Variants in VAT1L observed in about 807,000 individuals in gnomAD.
VAT1L encodes vesicle amine transport 1 like.
In VAT1L, 34 loss-of-function variants were observed where a neutral mutation model predicts 44.1. The observed-to-expected ratio is 0.77, with a 90% CI of 0.59 to 1.03. The LOEUF is 1.03. VAT1L is among the 50% of genes least tolerant of loss of function. VAT1L has a pLI of 0.00. For missense variants in VAT1L, 615 were observed against 538.8 expected (o/e 1.14, Z -1.40); for synonymous variants, 253 against 202.2 (o/e 1.25, Z -2.13).
At chr16:77,870,774 A>C (rs990849146) in intron 4 of VAT1L, among the ~76,000 whole-genome samples, 1 of 152,232 alleles carries the variant, frequency 6.6e-6, no homozygotes, top group South Asian at 2.1e-4. Context: ...ATAATCATAC[A>C]TATGCAGGCA....
rs2017586396 is a variant in VAT1L, at chr16:77,919,311, T to G, written c.1077+34509T>G. The stretch of plus-strand genomic sequence containing the variant: ...GACAGGTGTTGTGCCTAGACCAGGA[T>G]GCTGTTTTGATTGGAAAGGATGCTG... On this transcript the variant is annotated intron_variant, in intron 7 of 8. Transcript: ENST00000302536. Among the ~76,000 whole-genome samples, 2 of 152,314 alleles carry G rather than the reference T, an allele frequency of 1.3e-5. 1 individual carries two copies. The highest frequency in any genetic ancestry group is 4.1e-4 in the South Asian group (2 of 4,826).
chr16:77,956,701 A>G (rs2142529988), intron 7 of VAT1L, among the ~76,000 whole-genome samples: 1 of 152,316 alleles, frequency 6.6e-6, no homozygotes, highest in African/African-American at 2.4e-5. Flanking sequence ...GGGAGGATCC[A>G]ATATATACCC....
chr16:77,879,945 T>C lies in VAT1L; in HGVS notation c.882+721T>C, dbSNP rs1186380175. ...TCTCCCCATCCTCTTGAATCGGAGATAGAAATGAGGACCCTATGACCTTAA... is the reference window on the plus strand; with the variant it reads ...TCTCCCCATCCTCTTGAATCGGAGACAGAAATGAGGACCCTATGACCTTAA... On this transcript the variant is annotated intron_variant, in intron 6 of 8. Coordinates refer to ENST00000302536, the MANE Select transcript of VAT1L (RefSeq NM_020927.3). This position sits in a 1 kb window ranked among gnomAD's most constrained non-coding sequence, Gnocchi z 4.1. 1.3e-5 allele frequency among the ~76,000 whole-genome samples: 2 copies of C among 152,146 alleles called. No homozygotes were observed.
intron 7 of VAT1L, among the ~76,000 whole-genome samples, chr16:77,962,603 C>T (rs1244034551): frequency 2.0e-5 from 3 of 151,950 alleles, no homozygotes; most frequent in East Asian, 3.9e-4. Context: ...AAGAAATAGG[C>T]CGGGAGCAGT....
At chr16:77,882,748 A>G (rs1249233873) in intron 6 of VAT1L, among the ~76,000 whole-genome samples, 3 of 152,200 alleles carry the variant, frequency 2.0e-5, no homozygotes, top group Non-Finnish European at 2.9e-5. Flanking sequence ...TCAAGTTATT[A>G]TTTTTCTATA....
chr16:77,876,471 A>G lies in VAT1L; in HGVS notation c.824A>G (p.Tyr275Cys). The change falls in exon 5 of 9, where the codon TAT becomes TGT. Residue 275 changes from tyrosine (Y) to cysteine (C), a missense_variant and splice_region_variant. Coordinates refer to ENST00000302536, the MANE Select transcript of VAT1L (RefSeq NM_020927.3). ...LLKPLGTYIL[Y>C]GSSNMVTGET... ...AAACCCCTGGGAACCTACATTTTAT[A>G]TGGTGAGTGCAAAACAGCAGCAGGG... The G allele has an allele frequency of 1.2e-6, 2 of 1,614,028 alleles. No homozygotes were observed. The highest frequency in any genetic ancestry group is 1.7e-6 in the Non-Finnish European group (2 of 1,179,874).
chr16:77,799,237 C>G (rs1377110712), intron 1 of VAT1L, among the ~76,000 whole-genome samples: 1 of 150,560 alleles, frequency 6.6e-6, no homozygotes, highest in African/African-American at 2.5e-5. Flanking sequence ...GTCTCTCCCT[C>G]TCTCTCTCCC....
chr16:77,805,754 A>T (rs138906662), intron 1 of VAT1L, among the ~76,000 whole-genome samples: 2 of 152,196 alleles, frequency 1.3e-5, no homozygotes, highest in Non-Finnish European at 2.9e-5. Flanking sequence ...CCACAGACAC[A>T]TAGAAAGCCC....
rs1181186160 is a variant in VAT1L, at chr16:77,934,500, G to T, written c.1078-37350G>T. Reference sequence around the variant, plus strand: ...GGATTCTTCCCTAGAGCCTCCAGAAGGAACATGGCCCAGCTGACACCTTGA... The same window carrying T: ...GGATTCTTCCCTAGAGCCTCCAGAATGAACATGGCCCAGCTGACACCTTGA... On this transcript the variant is annotated intron_variant, in intron 7 of 8. Transcript: ENST00000302536. Among the ~76,000 whole-genome samples the T allele has an allele frequency of 1.3e-5, 2 of 152,110 alleles. 1 individual carries two copies. The highest frequency in any genetic ancestry group is 1.3e-4 in the Admixed American group (2 of 15,262).
At chr16:77,803,672 G>A (rs1264618069) in intron 1 of VAT1L, among the ~76,000 whole-genome samples, 1 of 152,026 alleles carries the variant, frequency 6.6e-6, no homozygotes, top group East Asian at 1.9e-4. Flanking sequence ...GCCTGCCCGG[G>A]CCTCCCAAAG....
intron 7 of VAT1L, among the ~76,000 whole-genome samples, chr16:77,970,223 A>G (rs1373672373): frequency 6.6e-6 from 1 of 152,146 alleles, no homozygotes; most frequent in Non-Finnish European, 1.5e-5. Context: ...GCAACAGAGC[A>G]AGACCCTGTC....
At chr16:77,793,940 C>A (rs935884434) in intron 1 of VAT1L, among the ~76,000 whole-genome samples, 2 of 152,150 alleles carry the variant, frequency 1.3e-5, no homozygotes, top group African/African-American at 4.8e-5. Flanking sequence ...TTCATTTCAT[C>A]CTAATGACAA....
intron 7 of VAT1L, among the ~76,000 whole-genome samples, chr16:77,916,213 G>GT (rs946139507): frequency 5.3e-5 from 8 of 152,138 alleles, no homozygotes; most frequent in African/African-American, 1.9e-4. Flanking sequence ...GTCAGTTTGG[G>GT]TTTCGTGCAC....
chr16:77,847,786 T>C (rs971856874), intron 3 of VAT1L, among the ~76,000 whole-genome samples: 2 of 152,236 alleles, frequency 1.3e-5, no homozygotes, highest in African/African-American at 2.4e-5. Flanking sequence ...GCTGTGGTTG[T>C]GAATGGCAAT....
intron 1 of VAT1L, among the ~76,000 whole-genome samples, chr16:77,795,342 T>C (rs1194402310): frequency 6.6e-6 from 1 of 152,102 alleles, no homozygotes; most frequent in African/African-American, 2.4e-5. Context: ...GAAATAGGAT[T>C]CATCCAAGTA....
In VAT1L at chr16:77,869,651, A is replaced by G. The variant is rs2017010039; in HGVS notation, c.723-6719A>G. ...GTCACTGCACTGCAGCCTGGGCAAC[A>G]GAACAAGACCCAGTCTCAATGATTA... On this transcript the variant is annotated intron_variant, in intron 4 of 8. Transcript: ENST00000302536. 2.0e-5 allele frequency among the ~76,000 whole-genome samples: 3 copies of G among 152,168 alleles called. No homozygotes were observed. In the South Asian group the frequency reaches 6.2e-4, roughly 32 times the overall value.
intron 7 of VAT1L, among the ~76,000 whole-genome samples, chr16:77,888,309 C>A (rs912350490): frequency 2.6e-5 from 4 of 152,108 alleles, no homozygotes; most frequent in African/African-American, 9.7e-5. Flanking sequence ...GAATTTAAAC[C>A]CTACATGAGG....
intron 2 of VAT1L, among the ~76,000 whole-genome samples, chr16:77,824,862 C>CT (rs756573336): frequency 0.11 from 8,484 of 75,764 alleles, 1,074 homozygotes; most frequent in East Asian, 0.18. Flanking sequence ...CCCAATAATG[C>CT]TTTTTTTTTT....
intron 3 of VAT1L, among the ~76,000 whole-genome samples, chr16:77,833,922 A>T (rs1048526850): frequency 6.6e-6 from 1 of 151,596 alleles, no homozygotes; most frequent in Admixed American, 6.6e-5. Flanking sequence ...ACATCACCTA[A>T]CTCTCCGTCT....
Sources: allele counts gnomAD v4.1 joint callset (sites outside exome capture counted in the v4.1 genomes callset), GRCh38; gene constraint gnomAD v4.1.1; non-coding constraint Gnocchi (gnomAD v3.1); transcripts MANE v1.5; gene names NCBI Gene and HGNC (gene_info 2026-07-23, HGNC 2026-07-21).